The following BRIP1 variants were observed in gnomAD, a reference collection of about 807,000 sequenced individuals.
The protein encoded by BRIP1 is Fanconi anemia group J protein.
BRIP1 carries 88 observed loss-of-function variants against 119.7 expected under a neutral mutation model. The observed-to-expected ratio is 0.74, with a 90% CI of 0.62 to 0.88. The LOEUF (loss-of-function observed/expected upper bound fraction) is 0.88, where lower values mean the gene tolerates loss of function less well. Among genes scored for constraint, BRIP1 ranks in the 40% least tolerant of loss-of-function variants. The pLI is 0.00. For missense variants in BRIP1, 1,259 were observed against 1,455.4 expected (o/e 0.87, Z 2.20); for synonymous variants, 443 against 496.5 (o/e 0.89, Z 1.43).
rs1371323846 is a variant in BRIP1, at chr17:61,768,464, G to A, written c.2097+7937C>T. On this transcript the variant is annotated intron_variant, in intron 14 of 19. Coordinates refer to ENST00000259008, the MANE Select transcript of BRIP1 (RefSeq NM_032043.3). This position sits in a 1 kb window ranked among gnomAD's most constrained non-coding sequence, Gnocchi z 5.0. ...GTAAGAAAGACTTGGAACAATAAGA[G>A]TTAGTCTCCATCCATTCGTGTGTTT... Among the ~76,000 whole-genome samples, 1 of 152,144 alleles carries A rather than the reference G, an allele frequency of 6.6e-6. No individual in the cohort carries two copies. The highest frequency in any genetic ancestry group is 2.1e-4 in the South Asian group (1 of 4,832).
intron 4 of BRIP1, among the ~76,000 whole-genome samples, chr17:61,850,359 C>T (rs961772577): frequency 2.0e-5 from 3 of 151,940 alleles, no homozygotes; most frequent in Admixed American, 6.6e-5. Flanking sequence ...GCCTAGCCTC[C>T]CAAAGTGCTG....
chr17:61,846,174 C>G lies in BRIP1; in HGVS notation c.627+927G>C, dbSNP rs538588241. 2.5e-3 allele frequency among the ~76,000 whole-genome samples: 378 copies of G among 150,850 alleles called. 6 individuals are homozygous for G. The highest frequency in any genetic ancestry group is 1.1e-3 in the Non-Finnish European group (76 of 67,770). Reference sequence around the variant, plus strand: ...TTCCAGCCTGGGTGACAGAGCGATACTCCGTCTCAAAAAAAAATTAAAATA... The same window carrying G: ...TTCCAGCCTGGGTGACAGAGCGATAGTCCGTCTCAAAAAAAAATTAAAATA... On this transcript the variant is annotated intron_variant, in intron 6 of 19. Transcript: ENST00000259008. The surrounding 1 kb of genome is among the most constrained non-coding windows in gnomAD (Gnocchi z 4.3).
At chr17:61,863,172 C>T (rs1375913248) in intron 1 of BRIP1, 112 bp downstream of exon 1, 3 of 152,364 alleles carry the variant, frequency 2.0e-5, no homozygotes, top group Non-Finnish European at 1.5e-5. Context: ...TATCTCCCTC[C>T]TCCCCCAGCC....
chr17:61,856,823 T>C lies in BRIP1; in HGVS notation c.379+235A>G, dbSNP rs747837785. Among the ~76,000 whole-genome samples the C allele has an allele frequency of 1.3e-5, 2 of 152,180 alleles. No individual in the cohort carries two copies. Among genetic ancestry groups the C allele is most frequent in the Non-Finnish European group, 2.9e-5 (2 of 68,016 alleles). ...AATCATTTATTTTGCCTTGCCTTCC[T>C]TAAAAAATTATTTAGGACAACAAAA... On this transcript the variant is annotated intron_variant, in intron 4 of 19. Coordinates refer to ENST00000259008, the MANE Select transcript of BRIP1 (RefSeq NM_032043.3). This position sits in a 1 kb window ranked among gnomAD's most constrained non-coding sequence, Gnocchi z 5.1.
Position 61,767,673 on chromosome 17 carries a change from A to G in BRIP1, c.2097+8728T>C, listed in dbSNP as rs1355419565. Among the ~76,000 whole-genome samples, 1 of 151,700 alleles carries G rather than the reference A, an allele frequency of 6.6e-6. No individual in the cohort carries two copies. The highest frequency in any genetic ancestry group is 1.5e-5 in the Non-Finnish European group (1 of 67,932). ...TCAAACTCCTGAGCTCAGGCAATCC[A>G]CCCACCTTGGCCTCCCAAAGTGCTG... On this transcript the variant is annotated intron_variant, in intron 14 of 19. Transcript: ENST00000259008. This position sits in a 1 kb window ranked among gnomAD's most constrained non-coding sequence, Gnocchi z 5.7.
At position 61,808,633 on chromosome 17, in the gene BRIP1, C is replaced by A. The variant is rs780834054; in HGVS notation, c.752G>T (p.Arg251Leu). 6.2e-7 allele frequency: 1 copy of A among 1,613,856 alleles called. No homozygotes were observed. Among genetic ancestry groups the A allele is most frequent in the South Asian group, 1.1e-5 (1 of 91,080 alleles). Residue 251 changes from arginine (R) to leucine (L), a missense_variant, in exon 7 of 20, where the codon CGC becomes CTC. Around this residue, in one of 3 missense-constraint regions of BRIP1, gnomAD observed 501 missense variants for 544.0 expected, o/e 0.92. Transcript: ENST00000259008. The surrounding 1 kb of genome is among the most constrained non-coding windows in gnomAD (Gnocchi z 4.1). ...SKIPKIYFGT[R>L]THKQIAQITR... ...AATCTGAGCAATCTGCTTGTGTGTGCGTGTCCCAAAATATATTTTGGGTAT... is the reference window on the plus strand; with the variant it reads ...AATCTGAGCAATCTGCTTGTGTGTGAGTGTCCCAAAATATATTTTGGGTAT...
chr17:61,772,784 C>G (rs916354405), intron 14 of BRIP1, among the ~76,000 whole-genome samples: 2 of 141,622 alleles, frequency 1.4e-5, no homozygotes, highest in African/African-American at 5.3e-5. Context: ...CACCATTGCA[C>G]TCCAGACTGG....
intron 17 of BRIP1, 23 bp downstream of exon 17, chr17:61,715,928 A>G (rs769309291): frequency 2.1e-6 from 3 of 1,397,610 alleles, no homozygotes; most frequent in Admixed American, 1.7e-5. Context: ...AGATAATATT[A>G]TATTAAATTT....
chr17:61,744,510 G>C lies in BRIP1; in HGVS notation c.2179C>G (p.Pro727Ala), dbSNP rs769797684. 3 of 1,613,414 alleles carry C rather than the reference G, an allele frequency of 1.9e-6. No individual in the cohort carries two copies. The African/African-American group carries it at 4.0e-5, about 22-fold the overall frequency. The change falls in exon 15 of 20, where the codon CCA (proline) becomes GCA (alanine). Residue 727 changes from proline to alanine, a missense_variant. Physicochemically the swap from Pro to Ala is conservative, Grantham distance 27. Around this residue, in one of 3 missense-constraint regions of BRIP1, gnomAD observed 753 missense variants for 891.8 expected, o/e 0.84. Transcript: ENST00000259008. The surrounding 1 kb of genome is among the most constrained non-coding windows in gnomAD (Gnocchi z 5.0). The part of the protein sequence containing the change: ...LELVKTVIVE[P>A]QGGEKTNFDE... ...AAATTTGTTTTTTCTCCTCCCTGTG[G>C]TTCTACAATGACTGTCTTCACCAAC...
chr17:61,849,597 C>G (rs944242227), intron 4 of BRIP1, among the ~76,000 whole-genome samples: 25 of 152,254 alleles, frequency 1.6e-4, no homozygotes, highest in Admixed American at 1.3e-3. Flanking sequence ...TTTACAGTAT[C>G]AACGTTTCTT....
intron 4 of BRIP1, among the ~76,000 whole-genome samples, chr17:61,854,253 G>A (rs1054887601): frequency 2.0e-5 from 3 of 151,934 alleles, no homozygotes; most frequent in African/African-American, 7.3e-5. Context: ...ACCCAGCCTG[G>A]GCAACAGAAT....
At chr17:61,719,747 C>T (rs1401476222) in intron 16 of BRIP1, among the ~76,000 whole-genome samples, 1 of 150,492 alleles carries the variant, frequency 6.6e-6, no homozygotes, top group Non-Finnish European at 1.5e-5. Flanking sequence ...AAAGGTTAAT[C>T]TCATAAAAAT....
intron 17 of BRIP1, among the ~76,000 whole-genome samples, chr17:61,712,164 T>C (rs938485718): frequency 6.6e-6 from 1 of 152,186 alleles, no homozygotes; most frequent in Non-Finnish European, 1.5e-5. Flanking sequence ...GTGGGACTTC[T>C]GGTTGAAGTG....
rs547184277 is a variant in BRIP1, at chr17:61,755,325, T to G, written c.2098-10734A>C. 6.6e-6 allele frequency among the ~76,000 whole-genome samples: 1 copy of G among 152,164 alleles called. No individual in the cohort carries two copies. The highest frequency in any genetic ancestry group is 2.1e-4 in the South Asian group (1 of 4,816). ...CTGTAATCCCAGCACTTTGAGATGCTGAGGCTGGAGGATCACTTGAGCCCA... is the reference window on the plus strand; with the variant it reads ...CTGTAATCCCAGCACTTTGAGATGCGGAGGCTGGAGGATCACTTGAGCCCA... On this transcript the variant is annotated intron_variant, in intron 14 of 19. Coordinates refer to ENST00000259008, the MANE Select transcript of BRIP1 (RefSeq NM_032043.3). This position sits in a 1 kb window ranked among gnomAD's most constrained non-coding sequence, Gnocchi z 4.5.
rs2077173711 is a variant in BRIP1 at position 61,754,454 on chromosome 17, C to T, written c.2098-9863G>A. Among the ~76,000 whole-genome samples, 1 of 152,134 alleles carries T rather than the reference C, an allele frequency of 6.6e-6. No individual in the cohort carries two copies. Among genetic ancestry groups the T allele is most frequent in the Admixed American group, 6.5e-5 (1 of 15,268 alleles). On this transcript the variant is annotated intron_variant, in intron 14 of 19. Transcript: ENST00000259008. The surrounding 1 kb of genome is among the most constrained non-coding windows in gnomAD (Gnocchi z 4.1). ...AATTAAATTCTAAATGAGCACCCTC[C>T]AGCCCCCACCCAAAAAAATTCCAAC...
rs1226701506 is a variant in BRIP1 at position 61,802,509 on chromosome 17, G to A, written c.919-1035C>T. 6.6e-6 allele frequency among the ~76,000 whole-genome samples: 1 copy of A among 152,084 alleles called. No individual in the cohort carries two copies. Among genetic ancestry groups the A allele is most frequent in the Admixed American group, 6.5e-5 (1 of 15,272 alleles). On this transcript the variant is annotated intron_variant, in intron 7 of 19. Coordinates refer to ENST00000259008, the MANE Select transcript of BRIP1 (RefSeq NM_032043.3). The surrounding 1 kb of genome is among the most constrained non-coding windows in gnomAD (Gnocchi z 6.0). Reference sequence around the variant, plus strand: ...AAGCAAATGTTCCCCAGGCATTGAGGATTATTAACAATTCAGCCACAATAA... The same window carrying A: ...AAGCAAATGTTCCCCAGGCATTGAGAATTATTAACAATTCAGCCACAATAA...
In BRIP1 at chr17:61,845,334, T is replaced by G. The variant is rs1056644540; in HGVS notation, c.627+1767A>C. Among the ~76,000 whole-genome samples the G allele has an allele frequency of 2.0e-5, 3 of 152,230 alleles. No individual in the cohort carries two copies. The highest frequency in any genetic ancestry group is 2.9e-5 in the Non-Finnish European group (2 of 68,030). On this transcript the variant is annotated intron_variant, in intron 6 of 19. Coordinates refer to ENST00000259008, the MANE Select transcript of BRIP1 (RefSeq NM_032043.3). The surrounding 1 kb of genome is among the most constrained non-coding windows in gnomAD (Gnocchi z 4.2). ...GGCAGAAAAAAGGTCCATCAGTCTA[T>G]CTTGCACTTAGGATGGACCTTTTCT...
chr17:61,740,915 G>A lies in BRIP1; in HGVS notation c.2379+2098C>T, dbSNP rs927854301. Among the ~76,000 whole-genome samples the A allele has an allele frequency of 1.3e-5, 2 of 152,058 alleles. No homozygotes were observed. Among genetic ancestry groups the A allele is most frequent in the Admixed American group, 6.6e-5 (1 of 15,260 alleles). ...CTGTGGCAATTTCTTAAAATAAGAC[G>A]ACCATGAAGTTTGCTCTATCATGTG... is the stretch of plus-strand genomic sequence containing the variant. On this transcript the variant is annotated intron_variant, in intron 16 of 19. Transcript: ENST00000259008. This position sits in a 1 kb window ranked among gnomAD's most constrained non-coding sequence, Gnocchi z 5.4.
rs1234339915 is a variant in BRIP1, at chr17:61,706,091, T to C, written c.2492+9860A>G. ...TTGCTTCATGTATTTTGAAACCCTG[T>C]TTTGGGGTGCATACACATTTATGAT... On this transcript the variant is annotated intron_variant, in intron 17 of 19. Coordinates refer to ENST00000259008, the MANE Select transcript of BRIP1 (RefSeq NM_032043.3). The surrounding 1 kb of genome is among the most constrained non-coding windows in gnomAD (Gnocchi z 5.7). Among the ~76,000 whole-genome samples, 4 of 152,224 alleles carry C rather than the reference T, an allele frequency of 2.6e-5. No individual in the cohort carries two copies. Among genetic ancestry groups the C allele is most frequent in the Admixed American group, 6.5e-5 (1 of 15,288 alleles).
Sources: allele counts gnomAD v4.1 joint callset (sites outside exome capture counted in the v4.1 genomes callset), GRCh38; gene constraint gnomAD v4.1.1; regional missense constraint gnomAD v4.1.1; non-coding constraint Gnocchi (gnomAD v3.1); transcripts MANE v1.5; gene names NCBI Gene and HGNC (gene_info 2026-07-23, HGNC 2026-07-21).